ARHGAP10: variants seen among roughly 807,000 people sequenced by gnomAD.
ARHGAP10 encodes Rho GTPase activating protein 10.
ARHGAP10 carries 87 observed loss-of-function variants against 108.6 expected under a neutral mutation model. The observed-to-expected ratio is 0.80, with a 90% confidence interval of 0.67 to 0.96. The LOEUF is 0.96. Among genes scored for constraint, ARHGAP10 ranks in the 40% least tolerant of loss-of-function variants. The pLI, the probability that ARHGAP10 is intolerant of heterozygous loss-of-function variation, is 0.00. For synonymous variants in ARHGAP10, 347 were observed against 341.1 expected, an observed-to-expected ratio of 1.02 and a Z score of -0.19; for missense variants, 939 against 954.5, an observed-to-expected ratio of 0.98 and a Z score of 0.21.
intron 19 of ARHGAP10, among the ~76,000 whole-genome samples, chr4:148,037,719 C>T (rs891047117): frequency 6.6e-6 from 1 of 151,854 alleles, no homozygotes; most frequent in Non-Finnish European, 1.5e-5. Context: ...CCTGTAATCC[C>T]AGCTACTTGG....
intron 13 of ARHGAP10, among the ~76,000 whole-genome samples, chr4:147,914,558 C>G (rs1425211071): frequency 9.7e-4 from 1 of 1,036 alleles, no homozygotes; most frequent in African/African-American, 1.8e-3. Flanking sequence ...TTCTGCGCTC[C>G]CCCCCCCCCC....
chr4:147,944,628 T>C (rs541761313), intron 14 of ARHGAP10, among the ~76,000 whole-genome samples: 2 of 152,310 alleles, frequency 1.3e-5, no homozygotes, highest in Non-Finnish European at 2.9e-5. Context: ...AAGGAAATGC[T>C]AACAAGATGT....
At position 147,822,889 on chromosome 4, in the gene ARHGAP10, C is replaced by T. The variant is rs1732563901; in HGVS notation, c.251-7C>T. 2 of 1,614,002 alleles carry T rather than the reference C, an allele frequency of 1.2e-6. No homozygotes were observed. Among genetic ancestry groups the T allele is most frequent in the South Asian group, 1.1e-5 (1 of 91,064 alleles). ...GCCACCAAATAATCACTCCTTTCTT[C>T]TTACAGATGCTTCCTTACGTGAATT... On this transcript the variant is annotated splice_region_variant and splice_polypyrimidine_tract_variant and intron_variant, in intron 2 of 22. Coordinates refer to ENST00000336498, the MANE Select transcript of ARHGAP10 (RefSeq NM_024605.4).
intron 12 of ARHGAP10, among the ~76,000 whole-genome samples, chr4:147,912,217 A>T (rs910382968): frequency 1.3e-5 from 2 of 152,002 alleles, no homozygotes; most frequent in Non-Finnish European, 2.9e-5. Flanking sequence ...GTAAATAGAG[A>T]TTCTGATATT....
intron 1 of ARHGAP10, among the ~76,000 whole-genome samples, chr4:147,803,572 C>T (rs1202263207): frequency 6.6e-6 from 1 of 152,148 alleles, no homozygotes; most frequent in Non-Finnish European, 1.5e-5. Flanking sequence ...ATTAGCCAAC[C>T]TCTTTATTGC....
chr4:147,745,602 C>T (rs568472760), intron 1 of ARHGAP10, among the ~76,000 whole-genome samples: 3 of 152,320 alleles, frequency 2.0e-5, no homozygotes, highest in Admixed American at 1.3e-4. Context: ...CGCCATTCTC[C>T]TGCCTCAGCC....
At chr4:148,061,090 G>A (rs1253707583) in intron 20 of ARHGAP10, among the ~76,000 whole-genome samples, 1 of 148,432 alleles carries the variant, frequency 6.7e-6, no homozygotes, top group African/African-American at 2.5e-5. Flanking sequence ...TTTTCATGGA[G>A]GTTTCCTTTT....
rs569341142 is a variant in ARHGAP10, at chr4:147,870,296, C to T, written c.702+3480C>T. ...CAGGATGGTCTTGATCTCCTGACCT[C>T]GTGATCTGCCTGCCTTGGCCTCCCA... On this transcript the variant is annotated intron_variant, in intron 7 of 22. Coordinates refer to ENST00000336498, the MANE Select transcript of ARHGAP10 (RefSeq NM_024605.4). Among the ~76,000 whole-genome samples the T allele has an allele frequency of 1.2e-4, 19 of 152,178 alleles. No individual in the cohort carries two copies. The East Asian group carries it at 1.5e-3, about 12-fold the overall frequency.
chr4:147,742,640 C>T (rs774689362), intron 1 of ARHGAP10, among the ~76,000 whole-genome samples: 7 of 151,580 alleles, frequency 4.6e-5, no homozygotes, highest in Non-Finnish European at 7.4e-5. Context: ...CCTGCCACCA[C>T]GCCTGGCTAA....
intron 18 of ARHGAP10, among the ~76,000 whole-genome samples, chr4:148,022,225 G>A (rs575306471): frequency 1.8e-4 from 28 of 152,300 alleles, no homozygotes; most frequent in African/African-American, 6.7e-4. Context: ...TTGTTACATA[G>A]GTATACATGT....
At chr4:148,014,675 G>T (rs891207880) in intron 18 of ARHGAP10, among the ~76,000 whole-genome samples, 1 of 152,198 alleles carries the variant, frequency 6.6e-6, no homozygotes, top group African/African-American at 2.4e-5. Context: ...GCAATAGGTA[G>T]TTCTGGAATG....
At chr4:147,857,816 CAAG>C (rs10536719) in intron 5 of ARHGAP10, 162 bp downstream of exon 5, 9,322 of 555,916 alleles carry the variant, frequency 0.017, 681 homozygotes, top group African/African-American at 0.17. Flanking sequence ...CCTTGTGAAA[CAAG>C]AAAAAATAAT....
At chr4:147,949,351 T>A (rs1170125625) in intron 15 of ARHGAP10, among the ~76,000 whole-genome samples, 4 of 152,234 alleles carry the variant, frequency 2.6e-5, no homozygotes, top group Non-Finnish European at 5.9e-5. Context: ...AGGCATCTTT[T>A]AAGTCTTGTT....
intron 7 of ARHGAP10, among the ~76,000 whole-genome samples, chr4:147,873,187 G>A (rs562878127): frequency 6.6e-6 from 1 of 152,302 alleles, no homozygotes; most frequent in African/African-American, 2.4e-5. Flanking sequence ...CGCAGGGAAA[G>A]TATAAGATGA....
chr4:148,067,323 A>G (rs141899884), intron 22 of ARHGAP10, among the ~76,000 whole-genome samples: 46 of 152,360 alleles, frequency 3.0e-4, no homozygotes, highest in African/African-American at 1.0e-3. Context: ...TCTTCTGTGC[A>G]TAGTTGATCT....
At chr4:147,908,195 G>C (rs945920304) in intron 11 of ARHGAP10, among the ~76,000 whole-genome samples, 1 of 152,080 alleles carries the variant, frequency 6.6e-6, no homozygotes, top group Non-Finnish European at 1.5e-5. Context: ...TGTGAATCAA[G>C]AGTATTTACA....
intron 10 of ARHGAP10, among the ~76,000 whole-genome samples, chr4:147,896,965 C>T (rs942526088): frequency 2.0e-5 from 3 of 151,954 alleles, no homozygotes; most frequent in Admixed American, 1.3e-4. Flanking sequence ...AGTTTATAGT[C>T]TATCAATATG....
At chr4:148,010,290 A>G (rs1478223195) in intron 18 of ARHGAP10, among the ~76,000 whole-genome samples, 1 of 152,026 alleles carries the variant, frequency 6.6e-6, no homozygotes, top group Non-Finnish European at 1.5e-5. Flanking sequence ...AAGTTAAGTT[A>G]CTCTTTCAAG....
chr4:148,062,305 G>C (rs989237012), intron 20 of ARHGAP10, among the ~76,000 whole-genome samples: 1 of 152,148 alleles, frequency 6.6e-6, no homozygotes, highest in Non-Finnish European at 1.5e-5. Context: ...CAGAAGCCTC[G>C]GGAAACTGCT....
Sources: gnomAD v4.1 joint callset for allele counts (sites outside exome capture counted in the v4.1 genomes callset) on GRCh38, gnomAD v4.1.1 for gene constraint, MANE v1.5 for transcripts, NCBI Gene and HGNC (gene_info 2026-07-23, HGNC 2026-07-21) for gene names.